The following EXTL3 variants were observed in gnomAD, a reference collection of about 807,000 sequenced individuals.
EXTL3 encodes exostosin like glycosyltransferase 3.
In EXTL3, 27 loss-of-function variants were observed where a neutral mutation model predicts 69.3. That is an observed-to-expected ratio of 0.39 (90% CI 0.29 to 0.54). The LOEUF (loss-of-function observed/expected upper bound fraction) is 0.54, where lower values mean the gene tolerates loss of function less well. Ranked by LOEUF, EXTL3 falls within the 20% of genes least tolerant of loss-of-function variation. The pLI is 0.69. For missense variants in EXTL3, 1,003 were observed against 1,231.8 expected (o/e 0.81, Z 2.78); for synonymous variants, 511 against 499.4 (o/e 1.02, Z -0.31).
intron 1 of EXTL3, among the ~76,000 whole-genome samples, chr8:28,636,361 G>A (rs534875911): frequency 3.3e-5 from 5 of 149,758 alleles, no homozygotes; most frequent in Admixed American, 6.7e-5. Context: ...TGTCTAACTC[G>A]CCAGGAGACA....
chr8:28,725,973 C>T (rs1379830673), intron 3 of EXTL3, among the ~76,000 whole-genome samples: 4 of 144,060 alleles, frequency 2.8e-5, no homozygotes, highest in East Asian at 2.0e-4. Context: ...TTTTTTTTTC[C>T]GAGATGGAGT....
At chr8:28,694,017 A>G (rs566364015) in intron 1 of EXTL3, among the ~76,000 whole-genome samples, 4 of 152,338 alleles carry the variant, frequency 2.6e-5, no homozygotes, top group African/African-American at 4.8e-5. Context: ...GGGGTCACCA[A>G]TGGCTTGTTT....
rs1409014639 is a variant in EXTL3 at position 28,751,763 on chromosome 8, A to G, written c.*897A>G. On this transcript the variant is annotated 3_prime_UTR_variant, in exon 7 of 7. Transcript: ENST00000220562. ...ACGCCACTCCCAGATGGCTCTTTCT[A>G]TCCTGCTCTTCTGTTGAAACACACG... 1 of 152,256 alleles carries G rather than the reference A, an allele frequency of 6.6e-6. No homozygotes were observed. Among genetic ancestry groups the G allele is most frequent in the African/African-American group, 2.4e-5 (1 of 41,434 alleles). 9.4% of individuals were successfully genotyped at this position (152,256 alleles called of 1,614,324 possible).
At position 28,716,070 on chromosome 8, in the gene EXTL3, A is replaced by G; in HGVS notation, c.11A>G (p.Tyr4Cys). The G allele has an allele frequency of 6.2e-7, 1 of 1,607,714 alleles. No homozygotes were observed. Among genetic ancestry groups the G allele is most frequent in the Non-Finnish European group, 8.5e-7 (1 of 1,179,808 alleles). Residue 4 changes from tyrosine to cysteine, a missense_variant, in exon 3 of 7, where the codon TAT becomes TGT. Tyr to Cys is a radical substitution (Grantham distance 194). This residue lies in a region of EXTL3 where 742 missense variants were observed against 815.4 expected (regional missense o/e 0.91). Transcript: ENST00000220562. The surrounding 1 kb of genome is among the most constrained non-coding windows in gnomAD (Gnocchi z 7.1). ...GGCTGCAGAGGACTCATGACAGGCT[A>G]TACCATGCTGCGGAATGGGGGCGCG... MTG[Y>C]TMLRNGGAGN...
At chr8:28,665,062 A>G (rs1216464258) in intron 1 of EXTL3, among the ~76,000 whole-genome samples, 1 of 59,284 alleles carries the variant, frequency 1.7e-5, no homozygotes, top group African/African-American at 5.2e-5. Flanking sequence ...GTTTTCCTTT[A>G]CTTTTTTTTT....
At chr8:28,698,715 C>T (rs763612929), upstream of EXTL3, among the ~76,000 whole-genome samples, 9 of 151,986 alleles carry the variant, frequency 5.9e-5, no homozygotes, top group South Asian at 2.1e-4. Context: ...AAAATTAGGC[C>T]GGGCGTGGTG....
Position 28,608,815 on chromosome 8 carries a change from T to C in EXTL3, n.314+1057T>C, listed in dbSNP as rs139552088. 3.1e-4 allele frequency among the ~76,000 whole-genome samples: 47 copies of C among 152,142 alleles called. 2 individuals are homozygous for C. The highest frequency in any genetic ancestry group is 1.1e-3 in the African/African-American group (46 of 41,460). On this transcript the variant is annotated intron_variant and non_coding_transcript_variant, in intron 2 of 4. Coordinates refer to the EXTL3 transcript ENST00000522725. The stretch of plus-strand genomic sequence containing the variant: ...GGAGGCAGAGGTTCAGCCAAGATTA[T>C]GCCACTGTTCTCCAGGCTGGGAGAT...
intron 5 of EXTL3, among the ~76,000 whole-genome samples, chr8:28,737,868 G>A (rs1243032099): frequency 6.6e-6 from 1 of 152,216 alleles, no homozygotes; most frequent in African/African-American, 2.4e-5. Context: ...AGGGCTGCCT[G>A]TACAGTTGCA....
intron 1 of EXTL3, among the ~76,000 whole-genome samples, chr8:28,686,535 T>C (rs964925221): frequency 6.6e-6 from 1 of 152,134 alleles, no homozygotes; most frequent in African/African-American, 2.4e-5. Flanking sequence ...GCCAATGTTT[T>C]GGAGTAAATG....
intron 1 of EXTL3, among the ~76,000 whole-genome samples, chr8:28,650,653 G>A (rs1806904834): frequency 6.6e-6 from 1 of 151,968 alleles, no homozygotes; most frequent in African/African-American, 2.4e-5. Flanking sequence ...CACTGTGCCC[G>A]GCCTGTATTT....
At chr8:28,704,690 A>ACGG (rs990688931) in intron 1 of EXTL3, among the ~76,000 whole-genome samples, 3 of 149,848 alleles carry the variant, frequency 2.0e-5, no homozygotes, top group African/African-American at 7.4e-5. Flanking sequence ...TTCTATTGAG[A>ACGG]CGGCGTCTCG....
chr8:28,640,792 G>A (rs1172935855), intron 1 of EXTL3, among the ~76,000 whole-genome samples: 1 of 152,048 alleles, frequency 6.6e-6, no homozygotes, highest in Non-Finnish European at 1.5e-5. Context: ...TGTGGAGATG[G>A]GGTCTCAATA....
chr8:28,755,011 T>C lies in EXTL3; in HGVS notation c.*4145T>C, dbSNP rs1208886371. On this transcript the variant is annotated 3_prime_UTR_variant, in exon 7 of 7. Transcript: ENST00000220562. ...GCAGATCTTGGGCTGCCCATCACAC[T>C]GGTGGAGAGCAAGTTATCTATTACT... is the stretch of plus-strand genomic sequence containing the variant. 2.0e-5 allele frequency: 3 copies of C among 152,222 alleles called. No homozygotes were observed. The highest frequency in any genetic ancestry group is 4.4e-5 in the Non-Finnish European group (3 of 68,044). 9.4% of individuals were successfully genotyped at this position (152,222 alleles called of 1,614,324 possible). A position where few individuals can be genotyped will look rare whatever the true frequency, so the allele number is the denominator to read the frequency against.
At chr8:28,714,323 A>G (rs1426118392) in intron 2 of EXTL3, among the ~76,000 whole-genome samples, 2 of 152,224 alleles carry the variant, frequency 1.3e-5, no homozygotes, top group East Asian at 1.9e-4. Flanking sequence ...GTTTAAAGGA[A>G]TCTTTATTCT....
chr8:28,618,704 G>A (rs77007210), upstream of EXTL3, among the ~76,000 whole-genome samples: 1,337 of 152,204 alleles, frequency 8.8e-3, 11 homozygotes, highest in African/African-American at 0.023. Flanking sequence ...AGAGAACCCC[G>A]CAGGGTCAGG....
intron 1 of EXTL3, among the ~76,000 whole-genome samples, chr8:28,687,013 G>A (rs898118551): frequency 3.9e-5 from 6 of 152,162 alleles, no homozygotes; most frequent in Non-Finnish European, 7.3e-5. Context: ...AGCAGGACTC[G>A]GGGAAGCCAT....
chr8:28,735,130 C>A (rs1439262319), intron 4 of EXTL3, among the ~76,000 whole-genome samples: 1 of 151,856 alleles, frequency 6.6e-6, no homozygotes, highest in East Asian at 1.9e-4. Context: ...CTGACTCTCT[C>A]CACTTGTTTT....
chr8:28,656,324 C>A (rs1278739295), intron 1 of EXTL3, among the ~76,000 whole-genome samples: 3 of 152,020 alleles, frequency 2.0e-5, no homozygotes, highest in Non-Finnish European at 4.4e-5. Flanking sequence ...AGGTGAGCCA[C>A]CACACCCGGC....
intron 1 of EXTL3, among the ~76,000 whole-genome samples, chr8:28,693,390 TC>T (rs1800641992): frequency 6.6e-6 from 1 of 151,970 alleles, no homozygotes; most frequent in African/African-American, 2.4e-5. Context: ...CTTCAGGTGA[TC>T]CCCCCACCTC....
Sources: allele counts gnomAD v4.1 joint callset (sites outside exome capture counted in the v4.1 genomes callset), GRCh38; gene constraint gnomAD v4.1.1; regional missense constraint gnomAD v4.1.1; non-coding constraint Gnocchi (gnomAD v3.1); transcripts MANE v1.5; gene names NCBI Gene and HGNC (gene_info 2026-07-23, HGNC 2026-07-21).